Variants in MARCHF8 observed in about 807,000 individuals in gnomAD.
The protein encoded by MARCHF8 is E3 ubiquitin-protein ligase MARCHF8.
In MARCHF8, 40 loss-of-function variants were observed where a neutral mutation model predicts 51.6. That is an observed-to-expected ratio of 0.77 (90% CI 0.60 to 1.01). The LOEUF (loss-of-function observed/expected upper bound fraction) is 1.01, where lower values mean the gene tolerates loss of function less well. Among genes scored for constraint, MARCHF8 ranks in the 50% least tolerant of loss-of-function variants. The pLI is 0.00. For synonymous variants in MARCHF8, 263 were observed against 280.3 expected (o/e 0.94, Z 0.62); for missense variants, 685 against 708.6 (o/e 0.97, Z 0.38).
intron 1 of MARCHF8, among the ~76,000 whole-genome samples, chr10:45,534,249 A>C (rs2043939551): frequency 6.6e-6 from 1 of 151,590 alleles, no homozygotes; most frequent in Admixed American, 6.6e-5. Context: ...GTTCCAATAA[A>C]ACTTTATTTA....
intron 1 of MARCHF8, among the ~76,000 whole-genome samples, chr10:45,583,342 G>C (rs1012987770): frequency 1.3e-5 from 2 of 152,068 alleles, no homozygotes; most frequent in African/African-American, 4.8e-5. Flanking sequence ...AATCTCCTTT[G>C]ACCAGGCAAT....
intron 2 of MARCHF8, among the ~76,000 whole-genome samples, chr10:45,521,737 C>T (rs1457191031): frequency 6.6e-6 from 1 of 152,186 alleles, no homozygotes; most frequent in South Asian, 2.1e-4. Context: ...AGCTCACTTT[C>T]GGCAAGCATA....
chr10:45,503,603 A>G (rs2133155396), intron 2 of MARCHF8, among the ~76,000 whole-genome samples: 2 of 151,776 alleles, frequency 1.3e-5, no homozygotes, highest in Middle Eastern at 6.8e-3. Flanking sequence ...AAAACAACCA[A>G]TTATATGCTA....
At chr10:45,501,784 A>G (rs1449051863) in intron 2 of MARCHF8, among the ~76,000 whole-genome samples, 5 of 152,132 alleles carry the variant, frequency 3.3e-5, no homozygotes, top group African/African-American at 1.2e-4. Flanking sequence ...GAATTCTTAG[A>G]CCTGAACATT....
At chr10:45,557,084 C>T (rs2044259261) in intron 1 of MARCHF8, among the ~76,000 whole-genome samples, 1 of 143,582 alleles carries the variant, frequency 7.0e-6, no homozygotes, top group South Asian at 2.3e-4. Context: ...AAAACTGAAA[C>T]TATACCCATT....
intron 3 of MARCHF8, among the ~76,000 whole-genome samples, chr10:45,468,580 A>T (rs1341412949): frequency 2.6e-5 from 4 of 152,210 alleles, no homozygotes; most frequent in Non-Finnish European, 5.9e-5. Flanking sequence ...TGTTTGAGTG[A>T]GCTTGTTTTT....
intron 3 of MARCHF8, among the ~76,000 whole-genome samples, chr10:45,472,458 T>C (rs972570809): frequency 1.3e-5 from 2 of 152,218 alleles, no homozygotes; most frequent in African/African-American, 4.8e-5. Context: ...AGGACCTCCT[T>C]AAACTCTTAA....
intron 1 of MARCHF8, among the ~76,000 whole-genome samples, chr10:45,555,243 A>G (rs75143336): frequency 6.6e-6 from 1 of 152,034 alleles, no homozygotes; most frequent in Non-Finnish European, 1.5e-5. Flanking sequence ...GAAAAAAAGA[A>G]GGGACAATTT....
Position 45,575,230 on chromosome 10 carries a change from G to C in MARCHF8, c.-79+19005C>G, listed in dbSNP as rs145914751. The stretch of plus-strand genomic sequence containing the variant: ...AGGGCAACTAAAAAAAGCAGCCAGC[G>C]TTCCAACTTCTATCTCACAGAGCAG... On this transcript the variant is annotated intron_variant, in intron 1 of 6. Coordinates refer to the MARCHF8 transcript ENST00000319836. Among the ~76,000 whole-genome samples, 1,027 of 152,190 alleles carry C rather than the reference G, an allele frequency of 6.7e-3. 13 individuals are homozygous for C. Among genetic ancestry groups the C allele is most frequent in the African/African-American group, 0.024 (997 of 41,506 alleles).
At chr10:45,569,686 C>T (rs1224008041) in intron 1 of MARCHF8, among the ~76,000 whole-genome samples, 3 of 152,248 alleles carry the variant, frequency 2.0e-5, no homozygotes, top group East Asian at 1.9e-4. Flanking sequence ...AAATTTTTCG[C>T]TACTCTGTAC....
At chr10:45,488,489 C>T (rs560537298) in intron 3 of MARCHF8, among the ~76,000 whole-genome samples, 48 of 151,088 alleles carry the variant, frequency 3.2e-4, no homozygotes, top group African/African-American at 1.0e-3. Context: ...GAGCCGAAGA[C>T]CCATGGGACG....
chr10:45,531,957 A>G lies in MARCHF8; in HGVS notation c.102+1153T>C, dbSNP rs950106935. ...AACCTGATACCACAATTGAGACCCTAGAAACACAACCACTATTTTCATCCT... is the reference window on the plus strand; with the variant it reads ...AACCTGATACCACAATTGAGACCCTGGAAACACAACCACTATTTTCATCCT... On this transcript the variant is annotated intron_variant, in intron 2 of 7. Transcript: ENST00000453424. Among the ~76,000 whole-genome samples the G allele has an allele frequency of 5.3e-5, 8 of 152,188 alleles. No individual in the cohort carries two copies. The South Asian group carries it at 1.2e-3, about 24-fold the overall frequency.
At position 45,463,555 on chromosome 10, in the gene MARCHF8, G is replaced by A; in HGVS notation, c.684C>T (p.Ala228=). The part of the protein sequence containing the change: ...VSCLSAGRST[A]SEVEAGKGGR... Reference sequence around the variant, plus strand: ...CCCCCTTGCCAGCTTCCACCTCTGAGGCAGTTGAGCGACCGGCAGAAAGGC... The same window carrying A: ...CCCCCTTGCCAGCTTCCACCTCTGAAGCAGTTGAGCGACCGGCAGAAAGGC... The change falls in exon 5 of 8, where the codon GCC becomes GCT. Residue 228 remains alanine, a synonymous_variant. Coordinates refer to ENST00000453424, the MANE Select transcript of MARCHF8 (RefSeq NM_001282866.2). The A allele has an allele frequency of 1.3e-6, 2 of 1,550,662 alleles. No homozygotes were observed. Among genetic ancestry groups the A allele is most frequent in the South Asian group, 2.4e-5 (2 of 84,064 alleles).
At chr10:45,503,204 A>G (rs573261952) in intron 2 of MARCHF8, among the ~76,000 whole-genome samples, 69 of 152,300 alleles carry the variant, frequency 4.5e-4, no homozygotes, top group Non-Finnish European at 8.7e-4. Context: ...AAACACTGCA[A>G]TTACAGGACA....
intron 2 of MARCHF8, among the ~76,000 whole-genome samples, chr10:45,518,661 C>T (rs1361572657): frequency 6.6e-6 from 1 of 152,168 alleles, no homozygotes; most frequent in Non-Finnish European, 1.5e-5. Context: ...TAGGAGCTTC[C>T]TCAACTCCTA....
intron 1 of MARCHF8, among the ~76,000 whole-genome samples, chr10:45,544,631 A>C (rs1202159494): frequency 6.6e-6 from 1 of 152,228 alleles, no homozygotes; most frequent in Admixed American, 6.5e-5. Context: ...TCTATATATT[A>C]TACAATTCCG....
chr10:45,588,998 CAAA>C (rs72350925), intron 1 of MARCHF8, among the ~76,000 whole-genome samples: 10 of 87,670 alleles, frequency 1.1e-4, no homozygotes, highest in Non-Finnish European at 1.7e-4. Context: ...GACTACGTTT[CAAA>C]AAAAAAAAAA....
chr10:45,543,730 G>A (rs1019054219), intron 1 of MARCHF8, among the ~76,000 whole-genome samples: 4 of 148,730 alleles, frequency 2.7e-5, no homozygotes, highest in African/African-American at 9.9e-5. Context: ...CCCGGGAGGC[G>A]GAGCTTGCAG....
intron 2 of MARCHF8, among the ~76,000 whole-genome samples, chr10:45,508,312 C>T (rs1214472851): frequency 1.6e-4 from 10 of 63,788 alleles, no homozygotes; most frequent in Non-Finnish European, 6.5e-5. Flanking sequence ...TGAAAGAGGA[C>T]AAAAATTTAT....
Sources: gnomAD v4.1 joint callset for allele counts (sites outside exome capture counted in the v4.1 genomes callset) on GRCh38, gnomAD v4.1.1 for gene constraint, MANE v1.5 for transcripts, NCBI Gene and HGNC (gene_info 2026-07-23, HGNC 2026-07-21) for gene names.